Variants in FTO observed in about 807,000 individuals in gnomAD.
FTO encodes the protein alpha-ketoglutarate-dependent dioxygenase FTO.
A neutral mutation model predicts 63.9 loss-of-function variants in FTO; 47 were observed. The ratio of observed to expected loss-of-function variants is 0.74; its 90% confidence interval spans 0.58 to 0.94. The LOEUF is 0.94. FTO is among the 40% of genes least tolerant of loss of function. The pLI, the probability that FTO is intolerant of heterozygous loss-of-function variation, is 0.00. For synonymous variants in FTO, 207 were observed against 224.4 expected, an observed-to-expected ratio of 0.92 and a Z score of 0.69; for missense variants, 562 against 618.1, an observed-to-expected ratio of 0.91 and a Z score of 0.96.
At chr16:53,787,258 G>A (rs1300525155) in intron 1 of FTO, among the ~76,000 whole-genome samples, 1 of 151,180 alleles carries the variant, frequency 6.6e-6, no homozygotes, top group Non-Finnish European at 1.5e-5. Context: ...ATCACCTTAT[G>A]GGCCAAAGGG....
chr16:54,061,909 A>G (rs1196174855), intron 8 of FTO, among the ~76,000 whole-genome samples: 1 of 152,204 alleles, frequency 6.6e-6, no homozygotes, highest in Non-Finnish European at 1.5e-5. Flanking sequence ...GACCTGGTCT[A>G]GGGCTAGAAT....
chr16:53,890,134 T>C (rs948209543), intron 7 of FTO, among the ~76,000 whole-genome samples: 41 of 152,136 alleles, frequency 2.7e-4, no homozygotes, highest in Non-Finnish European at 5.9e-4. Flanking sequence ...AGTAGAAAAG[T>C]GGTAAAAGCC....
chr16:53,836,110 C>T (rs1394990720), intron 3 of FTO, among the ~76,000 whole-genome samples: 2 of 152,080 alleles, frequency 1.3e-5, no homozygotes, highest in East Asian at 1.9e-4. Context: ...AGGCTGGTCT[C>T]GAATTCCTGA....
At chr16:53,799,126 A>G (rs1382475803) in intron 1 of FTO, among the ~76,000 whole-genome samples, 1 of 152,142 alleles carries the variant, frequency 6.6e-6, no homozygotes, top group Admixed American at 6.5e-5. Flanking sequence ...TCAGTCTGCT[A>G]ACATTTTGTT....
At chr16:53,746,392 A>C (rs920309720) in intron 1 of FTO, among the ~76,000 whole-genome samples, 2 of 152,180 alleles carry the variant, frequency 1.3e-5, no homozygotes, top group African/African-American at 4.8e-5. Context: ...TAACTTGAGC[A>C]AGACAAAGAC....
intron 1 of FTO, among the ~76,000 whole-genome samples, chr16:53,704,509 C>G (rs967556114): frequency 1.3e-5 from 2 of 152,200 alleles, no homozygotes; most frequent in African/African-American, 4.8e-5. Flanking sequence ...TTGTCGCCAT[C>G]CCTGTGCCTC....
chr16:54,074,740 G>T lies in FTO; in HGVS notation c.1365-37022G>T, dbSNP rs373100337. The stretch of plus-strand genomic sequence containing the variant: ...TTTATCACCTAAGGATAGATTCCTA[G>T]AAATTGAATTACCGAGCCAAGGATT... On this transcript the variant is annotated intron_variant, in intron 8 of 8. Transcript: ENST00000471389. Among the ~76,000 whole-genome samples the T allele has an allele frequency of 2.0e-5, 3 of 152,032 alleles. No homozygotes were observed. In the East Asian group the frequency reaches 5.8e-4, roughly 29 times the overall value.
chr16:53,844,163 G>T lies in FTO; in HGVS notation c.760G>T (p.Glu254Ter). 1 of 1,613,812 alleles carries T rather than the reference G, an allele frequency of 6.2e-7. No homozygotes were observed. The highest frequency in any genetic ancestry group is 8.5e-7 in the Non-Finnish European group (1 of 1,179,770). The change falls in exon 4 of 9, where the codon GAG becomes TAG. Residue 254 changes from glutamate (E) to a stop codon, truncating the protein, a stop_gained. Transcript: ENST00000471389. LOFTEE classifies it high-confidence loss of function. ...TTCTTCTCTTTTGGCAGGCCCTGAA[G>T]AGGAAAGTGAGGATGACTCTCATCT... ...VYSYSCEGPE[E>*]ESEDDSHLEG...
chr16:54,100,347 G>C (rs1361696758), intron 8 of FTO, among the ~76,000 whole-genome samples: 1 of 151,996 alleles, frequency 6.6e-6, no homozygotes, highest in Non-Finnish European at 1.5e-5. Flanking sequence ...TATTATTGTG[G>C]GGTTTTTGTT....
chr16:53,947,608 G>C (rs2082681199), intron 8 of FTO, among the ~76,000 whole-genome samples: 1 of 152,114 alleles, frequency 6.6e-6, no homozygotes, highest in Non-Finnish European at 1.5e-5. Context: ...GATAAAGCGA[G>C]ATTTCACTGT....
At position 53,707,157 on chromosome 16, in the gene FTO, T is replaced by C. The variant is rs199615709; in HGVS notation, c.45+2928T>C. Among the ~76,000 whole-genome samples, 16 of 152,310 alleles carry C rather than the reference T, an allele frequency of 1.1e-4. No homozygotes were observed. The East Asian group carries it at 2.5e-3, about 24-fold the overall frequency. ...ATCTTACAGTTCTGGAGATGAGGCA[T>C]TGAAATCAAGGCATCAATAGGGCCA... On this transcript the variant is annotated intron_variant, in intron 1 of 8. Coordinates refer to ENST00000471389, the MANE Select transcript of FTO (RefSeq NM_001080432.3).
In FTO at chr16:54,103,949, C is replaced by T. The variant is rs1206949409; in HGVS notation, c.1365-7813C>T. Among the ~76,000 whole-genome samples, 3 of 152,040 alleles carry T rather than the reference C, an allele frequency of 2.0e-5. 1 individual carries two copies. The highest frequency in any genetic ancestry group is 1.3e-4 in the Admixed American group (2 of 15,256). On this transcript the variant is annotated intron_variant, in intron 8 of 8. Transcript: ENST00000471389. ...CCATGAGGTTAGATTTTAAATGTAGCGCTTAAGGTAGGCATCATGGAGGTG... is the reference window on the plus strand; with the variant it reads ...CCATGAGGTTAGATTTTAAATGTAGTGCTTAAGGTAGGCATCATGGAGGTG...
chr16:54,079,840 A>C (rs1272285382), intron 8 of FTO, among the ~76,000 whole-genome samples: 2 of 152,206 alleles, frequency 1.3e-5, no homozygotes, highest in Admixed American at 6.5e-5. Context: ...GCAGAGTCAA[A>C]AATCTGGACT....
intron 8 of FTO, among the ~76,000 whole-genome samples, chr16:54,014,599 G>C (rs2084394130): frequency 6.6e-6 from 1 of 152,000 alleles, no homozygotes; most frequent in Non-Finnish European, 1.5e-5. Context: ...TAGCAAGGCA[G>C]ACAGTCTAGG....
intron 4 of FTO, among the ~76,000 whole-genome samples, chr16:53,867,801 T>A (rs1419503661): frequency 1.3e-5 from 2 of 152,196 alleles, no homozygotes; most frequent in African/African-American, 4.8e-5. Flanking sequence ...GATGTTGACA[T>A]CTCCAGTTAT....
chr16:54,008,374 G>C (rs1162204279), intron 8 of FTO: 2 of 150,610 alleles, frequency 1.3e-5, no homozygotes, highest in Non-Finnish European at 2.9e-5. Context: ...GACTCGGGCT[G>C]TGATATTGTG....
chr16:54,089,055 G>C (rs551822638), intron 8 of FTO, among the ~76,000 whole-genome samples: 1 of 152,284 alleles, frequency 6.6e-6, no homozygotes, highest in East Asian at 1.9e-4. Flanking sequence ...GGCGAATTCC[G>C]TGAGAAGTTT....
intron 1 of FTO, among the ~76,000 whole-genome samples, chr16:53,747,983 T>C (rs1237382219): frequency 6.6e-6 from 1 of 152,220 alleles, no homozygotes; most frequent in Non-Finnish European, 1.5e-5. Context: ...CATGGGTTCA[T>C]TTCTGGGCTC....
chr16:53,926,539 A>G (rs1239276758), intron 7 of FTO, among the ~76,000 whole-genome samples: 1 of 152,240 alleles, frequency 6.6e-6, no homozygotes, highest in Non-Finnish European at 1.5e-5. Context: ...AATTTAAATG[A>G]ATATGTAAGT....
Sources: gnomAD v4.1 joint callset for allele counts (sites outside exome capture counted in the v4.1 genomes callset) on GRCh38, gnomAD v4.1.1 for gene constraint, MANE v1.5 for transcripts, NCBI Gene and HGNC (gene_info 2026-07-23, HGNC 2026-07-21) for gene names.